CNTN4: variants seen among roughly 807,000 people sequenced by gnomAD.
CNTN4 encodes the protein contactin-4.
In CNTN4, 77 loss-of-function variants were observed where a neutral mutation model predicts 122.5. The ratio of observed to expected loss-of-function variants is 0.63; its 90% CI spans 0.52 to 0.76. CNTN4 has a LOEUF of 0.76. Ranked by LOEUF, CNTN4 falls within the 30% of genes least tolerant of loss-of-function variation. CNTN4 has a pLI of 0.00. For missense variants in CNTN4, 1,256 were observed against 1,259.1 expected (o/e 1.00, Z 0.04); for synonymous variants, 512 against 447.0 (o/e 1.15, Z -1.83).
At chr3:2,151,837 A>T (rs2035506653) in intron 2 of CNTN4, among the ~76,000 whole-genome samples, 1 of 152,196 alleles carries the variant, frequency 6.6e-6, no homozygotes, top group Non-Finnish European at 1.5e-5. Flanking sequence ...ACCAGCAAGA[A>T]GGCCCTCACC....
rs944773362 is a variant in CNTN4, at chr3:2,230,758, A to G, written c.-144-108420A>G. Reference sequence around the variant, plus strand: ...CCAGCATTTTGGCAGGCTGAGGCAGATGGATTGCTTGAGCCCAGGAGTTCG... The same window carrying G: ...CCAGCATTTTGGCAGGCTGAGGCAGGTGGATTGCTTGAGCCCAGGAGTTCG... On this transcript the variant is annotated intron_variant, in intron 2 of 24. Coordinates refer to ENST00000418658, the MANE Select transcript of CNTN4 (RefSeq NM_175607.3). Among the ~76,000 whole-genome samples the G allele has an allele frequency of 2.8e-4, 42 of 152,106 alleles. 2 individuals are homozygous for G.
At chr3:2,722,593 T>C (rs2087931548) in intron 4 of CNTN4, among the ~76,000 whole-genome samples, 1 of 152,230 alleles carries the variant, frequency 6.6e-6, no homozygotes, top group Non-Finnish European at 1.5e-5. Context: ...TTTTACCTCA[T>C]CTTAAGAAAG....
chr3:2,972,953 C>T (rs1693074885), intron 13 of CNTN4, among the ~76,000 whole-genome samples: 1 of 151,832 alleles, frequency 6.6e-6, no homozygotes, highest in Non-Finnish European at 1.5e-5. Flanking sequence ...TCATCAACTT[C>T]CCCTTGGAAT....
At chr3:2,546,105 G>A (rs1393454095) in intron 3 of CNTN4, among the ~76,000 whole-genome samples, 1 of 152,100 alleles carries the variant, frequency 6.6e-6, no homozygotes, top group Non-Finnish European at 1.5e-5. Flanking sequence ...GGAAAGCAAT[G>A]TGGTGATTTG....
At chr3:2,810,958 A>G (rs1381858264) in intron 6 of CNTN4, among the ~76,000 whole-genome samples, 3 of 152,102 alleles carry the variant, frequency 2.0e-5, no homozygotes, top group South Asian at 4.1e-4. Flanking sequence ...TTTTACTCTG[A>G]AATAAGTGTA....
At chr3:2,866,434 A>T in intron 7 of CNTN4, 1 of 1,187,716 alleles carries the variant, frequency 8.4e-7, no homozygotes, top group Non-Finnish European at 1.1e-6. Context: ...AGCATTACTC[A>T]ATACATGTTA....
At chr3:2,336,971 G>T (rs114353618) in intron 2 of CNTN4, among the ~76,000 whole-genome samples, 4,989 of 152,236 alleles carry the variant, frequency 0.033, 124 homozygotes, top group Non-Finnish European at 0.045. Context: ...AGTATTAATT[G>T]ATGGTTCAAT....
chr3:2,889,358 G>A (rs2094012864), intron 10 of CNTN4, among the ~76,000 whole-genome samples: 1 of 152,182 alleles, frequency 6.6e-6, no homozygotes, highest in Admixed American at 6.5e-5. Context: ...GAATATTAAA[G>A]GACTGACTCT....
intron 8 of CNTN4, among the ~76,000 whole-genome samples, chr3:2,878,282 C>A (rs1008266254): frequency 2.0e-5 from 3 of 152,156 alleles, no homozygotes; most frequent in African/African-American, 7.2e-5. Flanking sequence ...AAAGAATGAT[C>A]TTAAGTGAGT....
At chr3:2,212,490 G>A (rs907033771) in intron 2 of CNTN4, among the ~76,000 whole-genome samples, 2 of 152,160 alleles carry the variant, frequency 1.3e-5, no homozygotes, top group Non-Finnish European at 2.9e-5. Context: ...GGGCAAGAGG[G>A]TTTGTGCAGG....
At position 2,167,644 on chromosome 3, in the gene CNTN4, C is replaced by G. The variant is rs371959296; in HGVS notation, c.-145+67005C>G. Among the ~76,000 whole-genome samples, 120 of 152,294 alleles carry G rather than the reference C, an allele frequency of 7.9e-4. 2 individuals are homozygous for G. Among genetic ancestry groups the G allele is most frequent in the African/African-American group, 2.7e-3 (111 of 41,568 alleles). On this transcript the variant is annotated intron_variant, in intron 2 of 24. Transcript: ENST00000418658. ...CCACAATATTAAGCTCATACCAATG[C>G]TTTGATAACCATAAGCTTTTTACCT... is the stretch of plus-strand genomic sequence containing the variant.
chr3:2,806,282 A>T (rs1341488205), intron 6 of CNTN4, among the ~76,000 whole-genome samples: 1 of 152,158 alleles, frequency 6.6e-6, no homozygotes, highest in Admixed American at 6.5e-5. Context: ...TTTACACCTT[A>T]CAGTAGAGCC....
At chr3:2,293,919 A>G (rs937639897) in intron 2 of CNTN4, among the ~76,000 whole-genome samples, 2 of 152,130 alleles carry the variant, frequency 1.3e-5, no homozygotes, top group Admixed American at 1.3e-4. Context: ...TTTAGTGTAC[A>G]ATTCTGGAGG....
intron 7 of CNTN4, among the ~76,000 whole-genome samples, chr3:2,862,407 G>A (rs2093680443): frequency 6.6e-6 from 1 of 152,182 alleles, no homozygotes; most frequent in South Asian, 2.1e-4. Flanking sequence ...CCAATTAAGT[G>A]AGCTTCAGAG....
intron 2 of CNTN4, among the ~76,000 whole-genome samples, chr3:2,217,685 A>G (rs2038904223): frequency 6.6e-6 from 1 of 151,592 alleles, no homozygotes; most frequent in Non-Finnish European, 1.5e-5. Context: ...CATTATAAAG[A>G]GAGAGAGAAA....
intron 3 of CNTN4, among the ~76,000 whole-genome samples, chr3:2,348,323 G>A (rs896335327): frequency 1.3e-4 from 20 of 152,256 alleles, no homozygotes; most frequent in African/African-American, 3.8e-4. Flanking sequence ...TTCTTGTTCA[G>A]GCCATTTGCA....
chr3:2,620,537 A>C (rs1344430188), intron 4 of CNTN4, among the ~76,000 whole-genome samples: 2 of 152,008 alleles, frequency 1.3e-5, no homozygotes, highest in East Asian at 3.8e-4. Flanking sequence ...GGTCCATAGA[A>C]ATCTAGGTTA....
intron 2 of CNTN4, among the ~76,000 whole-genome samples, chr3:2,162,893 T>C (rs1168805056): frequency 6.6e-6 from 1 of 152,042 alleles, no homozygotes; most frequent in Non-Finnish European, 1.5e-5. Flanking sequence ...GTCCAGGAGT[T>C]TGTGACCAGC....
intron 2 of CNTN4, among the ~76,000 whole-genome samples, chr3:2,182,343 C>T (rs575569399): frequency 3.9e-5 from 6 of 152,048 alleles, no homozygotes; most frequent in African/African-American, 1.2e-4. Flanking sequence ...AAAAGATTCT[C>T]AATAAATTCA....
Sources: allele counts gnomAD v4.1 joint callset (sites outside exome capture counted in the v4.1 genomes callset), GRCh38; gene constraint gnomAD v4.1.1; transcripts MANE v1.5; gene names NCBI Gene and HGNC (gene_info 2026-07-23, HGNC 2026-07-21).